ADK: variants seen among roughly 807,000 people sequenced by gnomAD.
ADK encodes adenosine kinase, also known as N6,N6-dimethyladenosine kinase.
ADK carries 24 observed loss-of-function variants against 44.7 expected under a neutral mutation model. The observed-to-expected ratio is 0.54, with a 90% CI of 0.39 to 0.76. ADK has a LOEUF of 0.76. Among genes scored for constraint, ADK ranks in the 30% least tolerant of loss-of-function variants. The pLI is 0.00. For synonymous variants in ADK, 128 were observed against 142.6 expected (o/e 0.90, Z 0.73); for missense variants, 321 against 425.1 (o/e 0.76, Z 2.15).
At chr10:74,534,372 C>G (rs1849384359) in intron 7 of ADK, among the ~76,000 whole-genome samples, 1 of 152,204 alleles carries the variant, frequency 6.6e-6, no homozygotes. Context: ...CAAAAATACA[C>G]TGCTAAAATG....
intron 9 of ADK, among the ~76,000 whole-genome samples, chr10:74,616,185 A>G (rs570273710): frequency 2.6e-4 from 40 of 152,164 alleles, no homozygotes; most frequent in African/African-American, 7.5e-4. Context: ...CACTCTCTTC[A>G]TGGTATCTTT....
In ADK at chr10:74,708,369, G is replaced by A. The variant is rs751608368; in HGVS notation, c.1013G>A (p.Arg338His). 77 of 1,612,300 alleles carry A rather than the reference G, an allele frequency of 4.8e-5. No homozygotes were observed. Among genetic ancestry groups the A allele is most frequent in the African/African-American group, 9.3e-5 (7 of 74,884 alleles). The change falls in exon 11 of 11, where the codon CGT becomes CAT. Residue 338 changes from arginine (R) to histidine (H), a missense_variant. Transcript: ENST00000539909. ...VSDKPLTECI[R>H]AGHYAASIII... ...GACAAGCCTCTGACTGAATGTATCC[G>A]TGCTGGCCACTATGCAGCAAGCATC...
chr10:74,346,183 C>T (rs7920006), intron 4 of ADK, among the ~76,000 whole-genome samples: 5,413 of 152,176 alleles, frequency 0.036, 350 homozygotes, highest in African/African-American at 0.12. Flanking sequence ...TGAGCCACTG[C>T]GCCTGGCCAA....
intron 3 of ADK, among the ~76,000 whole-genome samples, chr10:74,289,498 A>T (rs1236235698): frequency 1.3e-5 from 2 of 151,818 alleles, no homozygotes; most frequent in Admixed American, 6.6e-5. Context: ...TAAAACACTT[A>T]AAAAAAATGT....
intron 6 of ADK, among the ~76,000 whole-genome samples, chr10:74,482,730 G>A (rs1274705181): frequency 6.6e-6 from 1 of 152,186 alleles, no homozygotes; most frequent in African/African-American, 2.4e-5. Flanking sequence ...CAAAAGAGAG[G>A]GGCTACAGGC....
chr10:74,622,529 T>C (rs1223117054), intron 9 of ADK, among the ~76,000 whole-genome samples: 2 of 152,292 alleles, frequency 1.3e-5, no homozygotes, highest in East Asian at 3.9e-4. Context: ...ATTGAATACA[T>C]TTTTTTATTA....
intron 4 of ADK, among the ~76,000 whole-genome samples, chr10:74,331,985 C>G (rs775585661): frequency 4.6e-5 from 7 of 152,184 alleles, no homozygotes; most frequent in Non-Finnish European, 8.8e-5. Context: ...TCCTGAGTAG[C>G]TGGGATTACA....
chr10:74,216,061 TTA>T (rs1440630620), intron 2 of ADK, among the ~76,000 whole-genome samples: 1 of 152,182 alleles, frequency 6.6e-6, no homozygotes, highest in African/African-American at 2.4e-5. Flanking sequence ...TTTAAAAATT[TTA>T]TAGTCCTTTC....
At chr10:74,186,311 A>T (rs913775534) in intron 1 of ADK, among the ~76,000 whole-genome samples, 3 of 133,306 alleles carry the variant, frequency 2.3e-5, no homozygotes, top group African/African-American at 8.7e-5. Context: ...ACAGGGTCTT[A>T]CTTTGTCGCC....
intron 6 of ADK, among the ~76,000 whole-genome samples, chr10:74,400,036 AT>A (rs1843655638): frequency 6.6e-6 from 1 of 152,102 alleles, no homozygotes; most frequent in Non-Finnish European, 1.5e-5. Context: ...TAGTTTTAGC[AT>A]TTATGCACTA....
At chr10:74,411,265 T>C (rs924988362) in intron 6 of ADK, among the ~76,000 whole-genome samples, 8 of 152,228 alleles carry the variant, frequency 5.3e-5, no homozygotes, top group African/African-American at 1.7e-4. Flanking sequence ...TTGGAGCTTT[T>C]CATGTTGGTG....
At chr10:74,574,436 T>A (rs916283763) in intron 7 of ADK, among the ~76,000 whole-genome samples, 1 of 152,206 alleles carries the variant, frequency 6.6e-6, no homozygotes, top group African/African-American at 2.4e-5. Context: ...CCCAAAGTGC[T>A]GGGATTACAG....
At chr10:74,671,038 TAA>T (rs10670267) in intron 10 of ADK, among the ~76,000 whole-genome samples, 10 of 99,078 alleles carry the variant, frequency 1.0e-4, no homozygotes, top group Admixed American at 2.5e-4. Context: ...CAGGTTAATT[TAA>T]AAAAAAAAAA....
intron 7 of ADK, among the ~76,000 whole-genome samples, chr10:74,560,674 A>C (rs1850427194): frequency 1.3e-5 from 2 of 152,212 alleles, no homozygotes; most frequent in Admixed American, 1.3e-4. Flanking sequence ...TTGTGGCTAA[A>C]ATGTGTACAT....
chr10:74,216,826 A>G (rs937692429), intron 2 of ADK, among the ~76,000 whole-genome samples: 4 of 152,168 alleles, frequency 2.6e-5, no homozygotes, highest in Non-Finnish European at 5.9e-5. Flanking sequence ...AATAGTGTAT[A>G]GTTTCATTCA....
chr10:74,682,169 T>A (rs1444421175), intron 10 of ADK, among the ~76,000 whole-genome samples: 1 of 152,212 alleles, frequency 6.6e-6, no homozygotes, highest in East Asian at 1.9e-4. Context: ...CTTATCTATA[T>A]GAGTGCAAAA....
intron 6 of ADK, among the ~76,000 whole-genome samples, chr10:74,420,705 T>C (rs1844527125): frequency 6.6e-6 from 1 of 152,116 alleles, no homozygotes; most frequent in East Asian, 1.9e-4. Flanking sequence ...AATTAAAGAA[T>C]TTAGATGTTT....
chr10:74,151,407 G>A (rs952431351), intron 1 of ADK, 64 bp downstream of exon 1: 1 of 1,517,062 alleles, frequency 6.6e-7, no homozygotes, highest in South Asian at 1.2e-5. Context: ...GCCCACGTGG[G>A]GTTGCACGGC....
chr10:74,485,497 A>G (rs529297451), intron 6 of ADK, among the ~76,000 whole-genome samples: 22 of 146,184 alleles, frequency 1.5e-4, no homozygotes, highest in Non-Finnish European at 2.9e-4. Context: ...AAATAAATAA[A>G]TAAATAAATA....
Sources: allele counts gnomAD v4.1 joint callset (sites outside exome capture counted in the v4.1 genomes callset), GRCh38; gene constraint gnomAD v4.1.1; transcripts MANE v1.5; gene names NCBI Gene and HGNC (gene_info 2026-07-23, HGNC 2026-07-21).